Variants in THSD4 observed in about 807,000 individuals in gnomAD.
The protein encoded by THSD4 is thrombospondin type-1 domain-containing protein 4.
Under a neutral mutation model 119.0 loss-of-function variants are expected in THSD4, and 69 were observed. The ratio of observed to expected loss-of-function variants is 0.58; its 90% CI spans 0.48 to 0.71. The LOEUF (loss-of-function observed/expected upper bound fraction) is 0.71, where lower values mean the gene tolerates loss of function less well. Among genes scored for constraint, THSD4 ranks in the 30% least tolerant of loss-of-function variants. THSD4 has a pLI of 0.00. For synonymous variants in THSD4, 524 were observed against 540.4 expected (o/e 0.97, Z 0.42); for missense variants, 1,393 against 1,391.1 (o/e 1.00, Z -0.02).
chr15:71,529,962 G>T (rs2048584227), intron 7 of THSD4, among the ~76,000 whole-genome samples: 1 of 152,120 alleles, frequency 6.6e-6, no homozygotes, highest in African/African-American at 2.4e-5. Context: ...TATCACATTG[G>T]AGACTTGTAA....
intron 6 of THSD4, among the ~76,000 whole-genome samples, chr15:71,396,069 T>A (rs151221896): frequency 2.1e-4 from 32 of 152,218 alleles, no homozygotes; most frequent in South Asian, 4.1e-4. Flanking sequence ...CTTTTATCGC[T>A]GTTGAGTGCT....
intron 6 of THSD4, among the ~76,000 whole-genome samples, chr15:71,361,696 C>T (rs1195499574): frequency 2.6e-5 from 4 of 152,172 alleles, no homozygotes; most frequent in African/African-American, 9.7e-5. Context: ...TCATGATCAT[C>T]CATTGTAGTC....
intron 8 of THSD4, among the ~76,000 whole-genome samples, chr15:71,690,051 G>C (rs1457365829): frequency 6.6e-6 from 1 of 152,144 alleles, no homozygotes; most frequent in African/African-American, 2.4e-5. Flanking sequence ...CTCCAATTAA[G>C]ATTTTTTATC....
chr15:71,736,494 T>C (rs2053111893), intron 10 of THSD4, among the ~76,000 whole-genome samples: 1 of 151,900 alleles, frequency 6.6e-6, no homozygotes, highest in Admixed American at 6.6e-5. Context: ...TGTCTCTGTG[T>C]CTCTGTCTTG....
chr15:71,256,897 G>A (rs1235035664), intron 6 of THSD4, among the ~76,000 whole-genome samples, 182 bp downstream of exon 6: 1 of 152,160 alleles, frequency 6.6e-6, no homozygotes, highest in Non-Finnish European at 1.5e-5. Flanking sequence ...CATAGCTCAG[G>A]TGACGCCTGG....
intron 7 of THSD4, among the ~76,000 whole-genome samples, chr15:71,631,716 T>C (rs2050632047): frequency 6.6e-6 from 1 of 152,222 alleles, no homozygotes. Context: ...TCCAGTCAAC[T>C]GAGGGTAAGA....
chr15:71,634,918 A>G (rs554361872), intron 7 of THSD4, among the ~76,000 whole-genome samples: 1 of 152,304 alleles, frequency 6.6e-6, no homozygotes, highest in Non-Finnish European at 1.5e-5. Flanking sequence ...ATGACAAATG[A>G]ATACTCCATC....
chr15:71,293,754 A>G (rs1009114134), intron 6 of THSD4, among the ~76,000 whole-genome samples: 3 of 152,100 alleles, frequency 2.0e-5, no homozygotes, highest in African/African-American at 7.2e-5. Context: ...CTCATAGGTT[A>G]AAACGTTTTA....
At chr15:71,548,361 C>A (rs968695535) in intron 7 of THSD4, among the ~76,000 whole-genome samples, 11 of 152,354 alleles carry the variant, frequency 7.2e-5, no homozygotes, top group Admixed American at 3.9e-4. Flanking sequence ...CCTAAAAAGG[C>A]CATGAGGCCA....
In THSD4 at chr15:71,462,044, G is replaced by A. The variant is rs187164147; in HGVS notation, c.1152+50221G>A. Among the ~76,000 whole-genome samples, 106 of 152,262 alleles carry A rather than the reference G, an allele frequency of 7.0e-4. 1 individual carries two copies. In the Middle Eastern group the frequency reaches 0.017, roughly 24 times the overall value. On this transcript the variant is annotated intron_variant, in intron 7 of 17. Transcript: ENST00000261862. ...AAGAAACAAGACCAGAAGCATCTTA[G>A]AATCATCTCTCTTATAACCTTACAG...
intron 6 of THSD4, among the ~76,000 whole-genome samples, chr15:71,387,151 G>A (rs543603893): frequency 6.6e-6 from 1 of 151,932 alleles, no homozygotes; most frequent in African/African-American, 2.4e-5. Flanking sequence ...TATCACGTTT[G>A]AAGAATGAAT....
intron 7 of THSD4, among the ~76,000 whole-genome samples, chr15:71,521,246 A>G (rs978757068): frequency 6.6e-6 from 1 of 151,924 alleles, no homozygotes; most frequent in Non-Finnish European, 1.5e-5. Flanking sequence ...TTACTTCCCC[A>G]CTCTCCCTGC....
At chr15:71,586,029 A>C (rs2049662723) in intron 7 of THSD4, among the ~76,000 whole-genome samples, 1 of 152,110 alleles carries the variant, frequency 6.6e-6, no homozygotes, top group Non-Finnish European at 1.5e-5. Flanking sequence ...ATTAACTTTA[A>C]GATGATTATT....
chr15:71,275,773 A>T (rs1429213140), intron 6 of THSD4, among the ~76,000 whole-genome samples: 1 of 152,108 alleles, frequency 6.6e-6, no homozygotes, highest in Non-Finnish European at 1.5e-5. Context: ...GTTAGTTCTC[A>T]CGGGATCTGT....
chr15:71,709,728 T>C (rs1289737757), intron 8 of THSD4, among the ~76,000 whole-genome samples: 2 of 152,180 alleles, frequency 1.3e-5, no homozygotes, highest in Admixed American at 1.3e-4. Flanking sequence ...GGTGTAGATA[T>C]TAGCTTATCT....
At chr15:71,591,771 GT>G (rs1356602764) in intron 7 of THSD4, among the ~76,000 whole-genome samples, 2 of 150,186 alleles carry the variant, frequency 1.3e-5, no homozygotes, top group African/African-American at 4.9e-5. Context: ...ATCCAGATAT[GT>G]TCCATATACC....
At chr15:71,695,995 T>C (rs1413417399) in intron 8 of THSD4, among the ~76,000 whole-genome samples, 3 of 152,224 alleles carry the variant, frequency 2.0e-5, no homozygotes, top group African/African-American at 7.2e-5. Flanking sequence ...TTAATACAGA[T>C]AAAGCATGCA....
At chr15:71,341,618 G>A in intron 6 of THSD4, 1 of 1,590,878 alleles carries the variant, frequency 6.3e-7, no homozygotes, top group Non-Finnish European at 8.6e-7. Context: ...GGCCTGAGCA[G>A]TTTCACGAGT....
chr15:71,433,014 A>C (rs1013516576), intron 7 of THSD4, among the ~76,000 whole-genome samples: 2 of 151,846 alleles, frequency 1.3e-5, no homozygotes, highest in Non-Finnish European at 2.9e-5. Context: ...TAGTAACCTT[A>C]ATTTTCAGTG....
Sources: gnomAD v4.1 joint callset for allele counts (sites outside exome capture counted in the v4.1 genomes callset) on GRCh38, gnomAD v4.1.1 for gene constraint, MANE v1.5 for transcripts, NCBI Gene and HGNC (gene_info 2026-07-23, HGNC 2026-07-21) for gene names.